The following BMP1 variants were observed in gnomAD, a reference collection of about 807,000 sequenced individuals.
BMP1 encodes the protein bone morphogenetic protein 1.
In BMP1, 63 loss-of-function variants were observed where a neutral mutation model predicts 116.8. The ratio of observed to expected loss-of-function variants is 0.54; its 90% CI spans 0.44 to 0.67. BMP1 has a LOEUF of 0.67. Among genes scored for constraint, BMP1 ranks in the 30% least tolerant of loss-of-function variants. The probability of loss-of-function intolerance (pLI) is 0.00; values close to 1 mark genes in which losing one functional copy is unlikely to be tolerated. For synonymous variants in BMP1, 536 were observed against 533.4 expected (o/e 1.00, Z -0.07); for missense variants, 1,183 against 1,358.9 (o/e 0.87, Z 2.04).
At chr8:22,170,459 A>G (rs1280144893) in intron 1 of BMP1, 4 of 152,350 alleles carry the variant, frequency 2.6e-5, no homozygotes, top group African/African-American at 7.2e-5. Flanking sequence ...GTTATGTAGG[A>G]GAACACTGAG....
intron 15 of BMP1, chr8:22,198,672 T>C (rs1040328313): frequency 5.7e-5 from 9 of 158,126 alleles, no homozygotes; most frequent in Non-Finnish European, 9.7e-5. Flanking sequence ...CTGCCTTCCT[T>C]CTCCCCTCCT....
intron 8 of BMP1, among the ~76,000 whole-genome samples, chr8:22,189,580 CT>C (rs1394932124): frequency 1.1e-4 from 16 of 151,994 alleles, no homozygotes; most frequent in African/African-American, 3.9e-4. Flanking sequence ...GATCCTCCCA[CT>C]TCAGCCTTCC....
In BMP1 at chr8:22,180,476, G is replaced by A; in HGVS notation, c.1070G>A (p.Gly357Glu). The A allele has an allele frequency of 6.2e-7, 1 of 1,613,656 alleles. No individual in the cohort carries two copies. The highest frequency in any genetic ancestry group is 8.5e-7 in the Non-Finnish European group (1 of 1,179,816). ...HCVWRISVTPGEKIILNFTSL... is the reference protein window; with the variant it reads ...HCVWRISVTPEEKIILNFTSL... The stretch of plus-strand genomic sequence containing the variant: ...GTGTGGCGCATCTCTGTCACACCCG[G>A]GGAGAAGGTACGTGTGGGCTCAGCC... Residue 357 changes from glycine (G) to glutamate (E), a missense_variant, in exon 8 of 20, where the codon GGG (glycine) becomes GAG (glutamate). Physicochemically the swap from Gly to Glu is moderately conservative, Grantham distance 98. Transcript: ENST00000306385.
In BMP1 at chr8:22,208,497, C is replaced by T. The variant is rs952174136; in HGVS notation, c.2576-948C>T. ...GAGCCAGGCAGGAAGAAAGGCACCC[C>T]GGCCTAACTGGGCATGTGTTGGTAG... On this transcript the variant is annotated intron_variant, in intron 18 of 19. Coordinates refer to ENST00000306385, the MANE Select transcript of BMP1 (RefSeq NM_006129.5). Among the ~76,000 whole-genome samples, 12 of 152,206 alleles carry T rather than the reference C, an allele frequency of 7.9e-5. 1 individual carries two copies. Among genetic ancestry groups the T allele is most frequent in the Non-Finnish European group, 1.2e-4 (8 of 68,030 alleles).
chr8:22,204,213 A>C (rs1329262782), intron 16 of BMP1, among the ~76,000 whole-genome samples: 1 of 152,026 alleles, frequency 6.6e-6, no homozygotes, highest in Non-Finnish European at 1.5e-5. Context: ...GGCTGTGTGA[A>C]CCCACCGATG....
intron 6 of BMP1, among the ~76,000 whole-genome samples, chr8:22,178,409 C>A (rs1828516480): frequency 6.6e-6 from 1 of 152,172 alleles, no homozygotes; most frequent in African/African-American, 2.4e-5. Context: ...CCCGTCTCAG[C>A]CTACTGAGTA....
At chr8:22,169,106 G>A (rs1828200675) in intron 1 of BMP1, among the ~76,000 whole-genome samples, 1 of 151,604 alleles carries the variant, frequency 6.6e-6, no homozygotes, top group South Asian at 2.1e-4. Flanking sequence ...GTTCAAGGCT[G>A]AGTCCAGGAG....
At chr8:22,196,127 GT>G (rs958082848) in intron 13 of BMP1, 6 of 502,138 alleles carry the variant, frequency 1.2e-5, no homozygotes, top group East Asian at 5.6e-5. Flanking sequence ...GTGTTTTCGG[GT>G]TTTTTTTGTA....
rs1469041827 is a variant in BMP1, at chr8:22,201,519, A to T, written c.2108-284A>T. On this transcript the variant is annotated intron_variant, in intron 15 of 19. Transcript: ENST00000306385. ...CATGTGTCTATTTTTCCACTTGTCC[A>T]TCTGTCCAGTAAGCAGGTAATGGTG... The T allele has an allele frequency of 2.9e-6, 4 of 1,400,796 alleles. No individual in the cohort carries two copies. The East Asian group carries it at 1.1e-4, about 39-fold the overall frequency. 86.8% of individuals were successfully genotyped at this position (1,400,796 alleles called of 1,614,324 possible). A position where few individuals can be genotyped will look rare whatever the true frequency, so the allele number is the denominator to read the frequency against.
intron 13 of BMP1, 23 bp from the exon 14 acceptor site, chr8:22,196,657 T>C: frequency 6.2e-7 from 1 of 1,613,614 alleles, no homozygotes; most frequent in African/African-American, 1.3e-5. Context: ...CCGCAGACGA[T>C]GCCACCTTCC....
At chr8:22,196,428 T>C (rs1829093421) in intron 13 of BMP1, 1 of 604,722 alleles carries the variant, frequency 1.7e-6, no homozygotes, top group Non-Finnish European at 3.0e-6. Context: ...GCCTGTTCAT[T>C]TGCAGAGAAG....
chr8:22,184,568 T>A (rs1419031922), intron 8 of BMP1, among the ~76,000 whole-genome samples: 1 of 152,218 alleles, frequency 6.6e-6, no homozygotes, highest in Non-Finnish European at 1.5e-5. Context: ...CCTGGGGACG[T>A]GAACATTGAA....
chr8:22,172,449 C>T (rs1447499584), intron 1 of BMP1, among the ~76,000 whole-genome samples: 3 of 151,924 alleles, frequency 2.0e-5, no homozygotes, highest in Non-Finnish European at 2.9e-5. Flanking sequence ...GGCTCTCTTC[C>T]CCTCTGGCCT....
chr8:22,168,895 G>A (rs1828195619), intron 1 of BMP1, among the ~76,000 whole-genome samples: 1 of 152,196 alleles, frequency 6.6e-6, no homozygotes, highest in Non-Finnish European at 1.5e-5. Context: ...TCTAGGCAGG[G>A]GGCAGTGGCT....
intron 15 of BMP1, chr8:22,198,378 C>G (rs147273243): frequency 6.6e-6 from 1 of 152,412 alleles, no homozygotes; most frequent in Non-Finnish European, 1.5e-5. Flanking sequence ...GATCAGCAGC[C>G]CCTGGCCCAG....
At chr8:22,177,815 C>T (rs767762641) in intron 5 of BMP1, 37 bp from the exon 6 acceptor site, 132 of 1,501,240 alleles carry the variant, frequency 8.8e-5, no homozygotes, top group Non-Finnish European at 1.2e-4. Flanking sequence ...GACCCACCCC[C>T]TCCTCTCCCC....
chr8:22,184,362 T>C (rs1828708955), intron 8 of BMP1, among the ~76,000 whole-genome samples: 1 of 152,254 alleles, frequency 6.6e-6, no homozygotes, highest in Non-Finnish European at 1.5e-5. Flanking sequence ...TCTCTCTGCC[T>C]TGGGGCTGCT....
In BMP1 at chr8:22,193,447, C is replaced by A. The variant is rs374576428; in HGVS notation, c.1181-611C>A. Among the ~76,000 whole-genome samples the A allele has an allele frequency of 5.3e-5, 8 of 152,276 alleles. No individual in the cohort carries two copies. The South Asian group carries it at 1.2e-3, about 24-fold the overall frequency. On this transcript the variant is annotated intron_variant, in intron 9 of 19. Coordinates refer to ENST00000306385, the MANE Select transcript of BMP1 (RefSeq NM_006129.5). ...AGGTAAATAATGATGGTAATATGCT[C>A]TTTAGAAAGGTAAATAGAACACATA...
chr8:22,210,468 T>TTTCTCTCTCTCTCACACA, intron 19 of BMP1, among the ~76,000 whole-genome samples: 1 of 135,568 alleles, frequency 7.4e-6, no homozygotes, highest in African/African-American at 3.0e-5. Flanking sequence ...TCTCTCTCTC[T>TTTCTCTCTCTCTCACACA]CACACACATA....
Sources: allele counts gnomAD v4.1 joint callset (sites outside exome capture counted in the v4.1 genomes callset), GRCh38; gene constraint gnomAD v4.1.1; transcripts MANE v1.5; gene names NCBI Gene and HGNC (gene_info 2026-07-23, HGNC 2026-07-21).